RARB: variants seen among roughly 807,000 people sequenced by gnomAD.
RARB encodes retinoic acid receptor beta, also known as HBV-activated protein.
In RARB, 17 loss-of-function variants were observed where a neutral mutation model predicts 51.9. The observed-to-expected ratio is 0.33, with a 90% CI of 0.22 to 0.49. RARB has a LOEUF of 0.49. Among genes scored for constraint, RARB ranks in the 20% least tolerant of loss-of-function variants. The pLI, the probability that RARB is intolerant of heterozygous loss-of-function variation, is 0.99. For missense variants in RARB, 369 were observed against 550.8 expected (o/e 0.67, Z 3.30); for synonymous variants, 215 against 195.4 (o/e 1.10, Z -0.84).
At chr3:25,088,867 C>G (rs1162570110) in intron 3 of RARB, among the ~76,000 whole-genome samples, 2 of 151,924 alleles carry the variant, frequency 1.3e-5, no homozygotes, top group African/African-American at 2.4e-5. Context: ...TTAAATGGCA[C>G]AAGTCTCTTT....
intron 2 of RARB, among the ~76,000 whole-genome samples, chr3:25,468,837 C>A (rs966404493): frequency 2.6e-5 from 4 of 152,196 alleles, no homozygotes; most frequent in Non-Finnish European, 5.9e-5. Flanking sequence ...GCAGCTTTGT[C>A]CTTGCTCTCT....
intron 5 of RARB, among the ~76,000 whole-genome samples, chr3:25,234,524 C>T (rs1014048591): frequency 9.2e-5 from 14 of 152,038 alleles, no homozygotes; most frequent in African/African-American, 3.4e-4. Flanking sequence ...TTCTATTCTT[C>T]TATCTATATC....
chr3:24,967,334 T>G, intron 2 of RARB, among the ~76,000 whole-genome samples: 1 of 152,156 alleles, frequency 6.6e-6, no homozygotes, highest in East Asian at 1.9e-4. Flanking sequence ...CCAGATTATC[T>G]CTCAAGGCTA....
intron 5 of RARB, among the ~76,000 whole-genome samples, chr3:25,392,198 T>C (rs1706982802): frequency 6.6e-6 from 1 of 152,220 alleles, no homozygotes; most frequent in African/African-American, 2.4e-5. Context: ...CAATTGGCTG[T>C]AAGTATTTGT....
At chr3:25,318,495 A>G (rs1704483733) in intron 5 of RARB, among the ~76,000 whole-genome samples, 1 of 152,170 alleles carries the variant, frequency 6.6e-6, no homozygotes, top group South Asian at 2.1e-4. Context: ...AAAATACTGA[A>G]TAACATATTC....
intron 3 of RARB, among the ~76,000 whole-genome samples, chr3:25,129,180 A>C (rs1699907042): frequency 6.6e-6 from 1 of 152,110 alleles, no homozygotes; most frequent in Non-Finnish European, 1.5e-5. Context: ...TAAATTATTG[A>C]AGCAGAAGAC....
intron 2 of RARB, among the ~76,000 whole-genome samples, chr3:24,995,032 A>G (rs1317526689): frequency 6.6e-6 from 1 of 152,054 alleles, no homozygotes; most frequent in Non-Finnish European, 1.5e-5. Flanking sequence ...GAAGAATGTC[A>G]TTGATGTTTT....
In RARB at chr3:24,831,069, A is replaced by G. The variant is rs145983481; in HGVS notation, c.-459+1666A>G. On this transcript the variant is annotated intron_variant, in intron 1 of 11. Transcript: ENST00000383772. Reference sequence around the variant, plus strand: ...GCCTCCTTTGACACATCTTTGCAGCACCTACTCCAGAAGTACCTTTTGACA... The same window carrying G: ...GCCTCCTTTGACACATCTTTGCAGCGCCTACTCCAGAAGTACCTTTTGACA... 1.5e-3 allele frequency among the ~76,000 whole-genome samples: 232 copies of G among 152,244 alleles called. 1 individual carries two copies. Among genetic ancestry groups the G allele is most frequent in the African/African-American group, 5.4e-3 (224 of 41,528 alleles).
At chr3:25,074,032 C>T (rs1327487305) in intron 3 of RARB, among the ~76,000 whole-genome samples, 1 of 152,208 alleles carries the variant, frequency 6.6e-6, no homozygotes, top group Admixed American at 6.5e-5. Context: ...ATTTCTCAAG[C>T]ACCTACTACG....
Position 25,562,051 on chromosome 3 carries a change from C to T in RARB, c.449-7707C>T, listed in dbSNP as rs553384995. Among the ~76,000 whole-genome samples the T allele has an allele frequency of 2.0e-5, 3 of 152,156 alleles. No individual in the cohort carries two copies. In the South Asian group the frequency reaches 6.2e-4, roughly 32 times the overall value. On this transcript the variant is annotated intron_variant, in intron 3 of 7. Transcript: ENST00000330688. ...TTTTTTACCCTAGATATATGGGACC[C>T]CTATTTGAAGACTATTGATTCCTGA...
intron 5 of RARB, among the ~76,000 whole-genome samples, chr3:25,251,460 G>A (rs1702717959): frequency 6.6e-6 from 1 of 152,068 alleles, no homozygotes; most frequent in South Asian, 2.1e-4. Flanking sequence ...ATTTTCCAAA[G>A]TAATAAATTT....
chr3:25,589,056 C>T (rs970387874), intron 5 of RARB, among the ~76,000 whole-genome samples: 1 of 152,186 alleles, frequency 6.6e-6, no homozygotes, highest in Non-Finnish European at 1.5e-5. Context: ...AACCACCACA[C>T]GTTATACCTC....
At chr3:25,004,710 C>G (rs1055350663) in intron 2 of RARB, among the ~76,000 whole-genome samples, 3 of 152,090 alleles carry the variant, frequency 2.0e-5, no homozygotes, top group African/African-American at 4.8e-5. Flanking sequence ...ACTGTTCAGC[C>G]TCTACTCATT....
intron 2 of RARB, among the ~76,000 whole-genome samples, chr3:24,871,118 C>G (rs1442486242): frequency 1.3e-5 from 2 of 152,020 alleles, no homozygotes; most frequent in African/African-American, 2.4e-5. Flanking sequence ...TTTAATAGAA[C>G]TTATGTTGAT....
At chr3:25,305,416 A>G (rs1704131011) in intron 5 of RARB, among the ~76,000 whole-genome samples, 1 of 152,198 alleles carries the variant, frequency 6.6e-6, no homozygotes, top group Non-Finnish European at 1.5e-5. Context: ...CGTCAAATAT[A>G]TAGTGATATA....
intron 5 of RARB, among the ~76,000 whole-genome samples, chr3:25,420,587 A>T (rs995599964): frequency 6.6e-6 from 1 of 152,222 alleles, no homozygotes; most frequent in Non-Finnish European, 1.5e-5. Flanking sequence ...CTAGAGAAAG[A>T]TACATGCATG....
At chr3:24,846,723 C>T (rs1173186317) in intron 1 of RARB, among the ~76,000 whole-genome samples, 1 of 152,118 alleles carries the variant, frequency 6.6e-6, no homozygotes, top group Non-Finnish European at 1.5e-5. Context: ...GAACAGAAGA[C>T]CTTATGTTCC....
intron 5 of RARB, among the ~76,000 whole-genome samples, chr3:25,423,192 C>A (rs1368466441): frequency 6.6e-6 from 1 of 152,188 alleles, no homozygotes; most frequent in Non-Finnish European, 1.5e-5. Context: ...TTTTAAGATG[C>A]TCATAATCCT....
chr3:25,052,550 A>G (rs1033184278), intron 2 of RARB, among the ~76,000 whole-genome samples: 6 of 152,216 alleles, frequency 3.9e-5, no homozygotes, highest in African/African-American at 1.2e-4. Context: ...ACAAATGTAC[A>G]AGAAAAAACT....
Sources: gnomAD v4.1 joint callset for allele counts (sites outside exome capture counted in the v4.1 genomes callset) on GRCh38, gnomAD v4.1.1 for gene constraint, MANE v1.5 for transcripts, NCBI Gene and HGNC (gene_info 2026-07-23, HGNC 2026-07-21) for gene names.